Variants in CDH13 observed in about 807,000 individuals in gnomAD.
The protein encoded by CDH13 is cadherin-13.
Under a neutral mutation model 63.8 loss-of-function variants are expected in CDH13, and 24 were observed. The observed-to-expected ratio is 0.38, with a 90% CI of 0.27 to 0.53. CDH13 has a LOEUF of 0.53. Ranked by LOEUF, CDH13 falls within the 20% of genes least tolerant of loss-of-function variation. The pLI, the probability that CDH13 is intolerant of heterozygous loss-of-function variation, is 0.85. For missense variants in CDH13, 1,049 were observed against 903.1 expected (o/e 1.16, Z -2.07); for synonymous variants, 503 against 355.3 (o/e 1.42, Z -4.67).
At chr16:82,955,736 G>C (rs981826178) in intron 2 of CDH13, among the ~76,000 whole-genome samples, 7 of 152,292 alleles carry the variant, frequency 4.6e-5, no homozygotes, top group African/African-American at 1.2e-4. Context: ...TTTAGTCATT[G>C]CTGGGATTCT....
intron 4 of CDH13, among the ~76,000 whole-genome samples, chr16:83,134,581 GAGAGAGAGAGAGTGAGT>G (rs2036199728): frequency 1.7e-5 from 1 of 60,404 alleles, no homozygotes; most frequent in African/African-American, 1.2e-4. Flanking sequence ...GAGAGAGAGA[GAGAGAGAGAGAGTGAGT>G]TACATGACTG....
chr16:83,087,193 G>C (rs1168743418), intron 3 of CDH13, among the ~76,000 whole-genome samples: 1 of 152,090 alleles, frequency 6.6e-6, no homozygotes, highest in African/African-American at 2.4e-5. Context: ...TAATTCAGTT[G>C]TTTATGCCAT....
chr16:83,673,385 C>T (rs146551168), intron 9 of CDH13, among the ~76,000 whole-genome samples: 121 of 152,186 alleles, frequency 8.0e-4, no homozygotes, highest in African/African-American at 2.9e-3. Flanking sequence ...GGAGTACTAC[C>T]CTCCTCGCTC....
At chr16:83,589,201 T>G (rs1486215439) in intron 7 of CDH13, among the ~76,000 whole-genome samples, 1 of 151,846 alleles carries the variant, frequency 6.6e-6, no homozygotes, top group Admixed American at 6.6e-5. Flanking sequence ...AGGCCAACAG[T>G]GTAATGTCTC....
intron 2 of CDH13, among the ~76,000 whole-genome samples, chr16:82,893,643 G>C (rs904498802): frequency 6.6e-6 from 1 of 152,180 alleles, no homozygotes; most frequent in African/African-American, 2.4e-5. Context: ...GCTATTCCCT[G>C]CTGCCTCTGA....
intron 4 of CDH13, among the ~76,000 whole-genome samples, chr16:83,213,047 C>T (rs62041827): frequency 6.6e-6 from 1 of 152,148 alleles, no homozygotes; most frequent in Non-Finnish European, 1.5e-5. Context: ...GAGCAGGAGG[C>T]AGGTTCAGCA....
At chr16:83,302,743 C>T (rs867856698) in intron 5 of CDH13, among the ~76,000 whole-genome samples, 41 of 152,202 alleles carry the variant, frequency 2.7e-4, no homozygotes, top group South Asian at 6.2e-4. Context: ...AAGTGGGAGA[C>T]GCCAAGGAGG....
chr16:82,970,075 T>C (rs1197506239), intron 2 of CDH13, among the ~76,000 whole-genome samples: 2 of 152,162 alleles, frequency 1.3e-5, no homozygotes, highest in Non-Finnish European at 2.9e-5. Context: ...CTCCTAATGC[T>C]ATCCCTCCCC....
intron 13 of CDH13, among the ~76,000 whole-genome samples, chr16:83,794,822 A>G (rs1904274537): frequency 1.3e-5 from 2 of 152,152 alleles, no homozygotes; most frequent in Non-Finnish European, 2.9e-5. Context: ...TAGCATTTTC[A>G]GAGAAGTCCA....
intron 13 of CDH13, among the ~76,000 whole-genome samples, chr16:83,786,980 C>A (rs933688736): frequency 6.6e-6 from 1 of 152,184 alleles, no homozygotes; most frequent in African/African-American, 2.4e-5. Flanking sequence ...TGTTCTCTCT[C>A]CTCAGAAACA....
At chr16:82,750,416 C>T (rs568436961) in intron 1 of CDH13, among the ~76,000 whole-genome samples, 26 of 152,302 alleles carry the variant, frequency 1.7e-4, no homozygotes, top group African/African-American at 5.1e-4. Context: ...ATCACCCACT[C>T]TCTCCTTCTT....
At chr16:82,634,563 TATAA>T in intron 1 of CDH13, among the ~76,000 whole-genome samples, 1 of 152,368 alleles carries the variant, frequency 6.6e-6, no homozygotes, top group South Asian at 2.1e-4. Flanking sequence ...AGTCTGGTTT[TATAA>T]ATAGTTTTAT....
At chr16:82,989,185 G>A (rs56907994) in intron 2 of CDH13, among the ~76,000 whole-genome samples, 14,995 of 152,212 alleles carry the variant, frequency 0.099, 828 homozygotes, top group African/African-American at 0.15. Flanking sequence ...CCTGGAACAT[G>A]GCAGTGTGAG....
intron 4 of CDH13, among the ~76,000 whole-genome samples, chr16:83,162,889 G>A (rs1282745997): frequency 3.3e-5 from 5 of 152,112 alleles, no homozygotes; most frequent in East Asian, 1.9e-4. Flanking sequence ...AACTTGTAGA[G>A]CTAGCTTGGG....
intron 5 of CDH13, among the ~76,000 whole-genome samples, chr16:83,305,702 T>C (rs956276592): frequency 3.9e-5 from 6 of 152,158 alleles, no homozygotes; most frequent in African/African-American, 1.4e-4. Context: ...AGCCATGTGA[T>C]CCCGGGGGCA....
intron 10 of CDH13, among the ~76,000 whole-genome samples, chr16:83,696,656 C>T (rs1905449171): frequency 6.6e-6 from 1 of 152,224 alleles, no homozygotes; most frequent in African/African-American, 2.4e-5. Context: ...CATAGATTAC[C>T]TAGTCACTGG....
intron 2 of CDH13, among the ~76,000 whole-genome samples, chr16:82,916,400 C>T (rs2041990916): frequency 6.6e-6 from 1 of 152,010 alleles, no homozygotes; most frequent in Non-Finnish European, 1.5e-5. Context: ...ATCGTGAAAC[C>T]CCGTCTCTAC....
At chr16:83,396,697 TGAA>T (rs2151436887) in intron 6 of CDH13, 1 of 152,054 alleles carries the variant, frequency 6.6e-6, no homozygotes, top group African/African-American at 2.4e-5. Context: ...AAGCAGTAAT[TGAA>T]GGAGGAGAAT....
chr16:83,327,801 G>T (rs1334458157), intron 5 of CDH13, among the ~76,000 whole-genome samples: 1 of 152,190 alleles, frequency 6.6e-6, no homozygotes, highest in Non-Finnish European at 1.5e-5. Context: ...AGTCTTATAG[G>T]TGAGGAACCA....
Sources: allele counts gnomAD v4.1 joint callset (sites outside exome capture counted in the v4.1 genomes callset), GRCh38; gene constraint gnomAD v4.1.1; transcripts MANE v1.5; gene names NCBI Gene and HGNC (gene_info 2026-07-23, HGNC 2026-07-21).